LARGE1: variants seen among roughly 807,000 people sequenced by gnomAD.
LARGE1 encodes the protein LARGE xylosyl- and glucuronyltransferase 1, also known as xylosyl- and glucuronyltransferase LARGE1.
A neutral mutation model predicts 87.6 loss-of-function variants in LARGE1; 43 were observed. That is an observed-to-expected ratio of 0.49 (90% CI 0.38 to 0.63). LARGE1 has a LOEUF of 0.63. LARGE1 is among the 30% of genes least tolerant of loss of function. LARGE1 has a pLI of 0.00. For synonymous variants in LARGE1, 434 were observed against 394.6 expected, an observed-to-expected ratio of 1.10 and a Z score of -1.18; for missense variants, 802 against 1,000.2, an observed-to-expected ratio of 0.80 and a Z score of 2.67.
chr22:33,707,395 C>T (rs982250745), intron 2 of LARGE1, among the ~76,000 whole-genome samples: 2 of 152,192 alleles, frequency 1.3e-5, no homozygotes, highest in African/African-American at 4.8e-5. Context: ...GCCAGGGATC[C>T]TCTTTGACTG....
chr22:33,915,910 C>T lies in LARGE1; in HGVS notation c.-83+4085G>A, dbSNP rs577395023. 7.2e-5 allele frequency among the ~76,000 whole-genome samples: 11 copies of T among 152,278 alleles called. No individual in the cohort carries two copies. In the East Asian group the frequency reaches 1.7e-3, roughly 24 times the overall value. ...ATGCTGTTCTTTCTGCCTGTGATCC[C>T]CTTCCTCCCTACTCTCCTGGGAAGT... is the stretch of plus-strand genomic sequence containing the variant. On this transcript the variant is annotated intron_variant, in intron 1 of 14. Coordinates refer to ENST00000397394, the MANE Select transcript of LARGE1 (RefSeq NM_133642.5).
chr22:33,302,009 A>T (rs1934212549), intron 12 of LARGE1, among the ~76,000 whole-genome samples: 1 of 152,362 alleles, frequency 6.6e-6, no homozygotes, highest in Non-Finnish European at 1.5e-5. Context: ...CTCACTTTCA[A>T]TTGGCTGGAG....
At chr22:33,742,951 T>C (rs994622638) in intron 2 of LARGE1, among the ~76,000 whole-genome samples, 4 of 152,026 alleles carry the variant, frequency 2.6e-5, no homozygotes, top group African/African-American at 9.7e-5. Flanking sequence ...TGGAGCCTGG[T>C]GGGAGGGTCT....
chr22:33,177,604 G>C (rs995330315), intron 11 of LARGE1, among the ~76,000 whole-genome samples: 1 of 151,898 alleles, frequency 6.6e-6, no homozygotes, highest in Non-Finnish European at 1.5e-5. Flanking sequence ...ATATCTTAGA[G>C]GATAAAGAAA....
chr22:33,852,436 T>A (rs986776763), intron 1 of LARGE1, among the ~76,000 whole-genome samples: 6 of 152,102 alleles, frequency 3.9e-5, no homozygotes, highest in African/African-American at 1.4e-4. Flanking sequence ...GGGCACAAGA[T>A]CGATAAAGAT....
chr22:33,388,774 C>A (rs112492330), intron 7 of LARGE1, among the ~76,000 whole-genome samples: 10 of 151,958 alleles, frequency 6.6e-5, no homozygotes, highest in South Asian at 2.1e-4. Flanking sequence ...GCCATGTTGG[C>A]CAGGCTGGTC....
chr22:33,607,058 T>G (rs1436292271), intron 4 of LARGE1, among the ~76,000 whole-genome samples: 1 of 151,240 alleles, frequency 6.6e-6, no homozygotes, highest in Non-Finnish European at 1.5e-5. Context: ...TAGAAGAGAG[T>G]AGGAGTTGAA....
chr22:33,903,554 C>CGGT (rs950960157), intron 1 of LARGE1, among the ~76,000 whole-genome samples: 1 of 152,098 alleles, frequency 6.6e-6, no homozygotes, highest in South Asian at 2.1e-4. Context: ...TGGCCAGGCG[C>CGGT]GGTGGCTCAC....
At chr22:33,301,710 A>G (rs1934169361) in intron 12 of LARGE1, among the ~76,000 whole-genome samples, 1 of 152,196 alleles carries the variant, frequency 6.6e-6, no homozygotes, top group South Asian at 2.1e-4. Flanking sequence ...AATATTTCAA[A>G]ACCCCTGAGG....
intron 1 of LARGE1, among the ~76,000 whole-genome samples, chr22:33,876,824 AAAAT>A (rs941966911): frequency 1.3e-5 from 2 of 152,152 alleles, no homozygotes; most frequent in Admixed American, 6.5e-5. Flanking sequence ...ACAACATAAA[AAAAT>A]AAATAAATAA....
chr22:33,584,581 T>A (rs919247601), intron 5 of LARGE1, among the ~76,000 whole-genome samples: 5 of 152,194 alleles, frequency 3.3e-5, no homozygotes, highest in Non-Finnish European at 4.4e-5. Context: ...GGTACAGACC[T>A]GAGTTGTTTC....
intron 12 of LARGE1, among the ~76,000 whole-genome samples, chr22:33,298,992 T>G (rs1222129880): frequency 6.6e-6 from 1 of 151,862 alleles, no homozygotes; most frequent in Non-Finnish European, 1.5e-5. Flanking sequence ...GCGGATCACT[T>G]GAGACTAGGA....
At chr22:33,846,445 C>T (rs1025837760) in intron 1 of LARGE1, among the ~76,000 whole-genome samples, 1 of 152,020 alleles carries the variant, frequency 6.6e-6, no homozygotes, top group Admixed American at 6.6e-5. Context: ...GTGATAATTG[C>T]GTTAACTGCA....
At chr22:33,694,717 AGGAGGGGGAAG>A (rs1298600327) in intron 2 of LARGE1, among the ~76,000 whole-genome samples, 1 of 152,124 alleles carries the variant, frequency 6.6e-6, no homozygotes, top group Non-Finnish European at 1.5e-5. Context: ...GTGGAGAGAC[AGGAGGGGGAAG>A]GGAGGGAGTA....
intron 7 of LARGE1, among the ~76,000 whole-genome samples, chr22:33,423,866 T>G (rs2066781559): frequency 6.6e-6 from 1 of 152,052 alleles, no homozygotes; most frequent in Non-Finnish European, 1.5e-5. Flanking sequence ...TCTAATAAAA[T>G]GATGAAAAGA....
At chr22:33,826,091 T>C (rs2062775216) in intron 1 of LARGE1, among the ~76,000 whole-genome samples, 1 of 152,150 alleles carries the variant, frequency 6.6e-6, no homozygotes, top group African/African-American at 2.4e-5. Context: ...AAATTCCACG[T>C]CTGCTATAGC....
chr22:33,519,112 A>C (rs1182649983), intron 6 of LARGE1, among the ~76,000 whole-genome samples: 1 of 152,198 alleles, frequency 6.6e-6, no homozygotes, highest in Non-Finnish European at 1.5e-5. Context: ...TGCAGATTAA[A>C]AAAAAATCTC....
At chr22:33,877,401 T>C (rs1023444818) in intron 1 of LARGE1, among the ~76,000 whole-genome samples, 1 of 152,080 alleles carries the variant, frequency 6.6e-6, no homozygotes, top group Non-Finnish European at 1.5e-5. Flanking sequence ...TTTCCCAAGA[T>C]TTTGTAAGAA....
At chr22:33,889,890 C>T (rs1160520106) in intron 1 of LARGE1, among the ~76,000 whole-genome samples, 4 of 152,198 alleles carry the variant, frequency 2.6e-5, no homozygotes, top group Non-Finnish European at 4.4e-5. Flanking sequence ...CGGAAATGGC[C>T]CCCGCCCTTG....
Sources: allele counts gnomAD v4.1 joint callset (sites outside exome capture counted in the v4.1 genomes callset), GRCh38; gene constraint gnomAD v4.1.1; transcripts MANE v1.5; gene names NCBI Gene and HGNC (gene_info 2026-07-23, HGNC 2026-07-21).